The following CDH16 variants were observed in gnomAD, a reference collection of about 807,000 sequenced individuals.
The protein encoded by CDH16 is cadherin-16.
A neutral mutation model predicts 87.6 loss-of-function variants in CDH16; 79 were observed. The observed-to-expected ratio is 0.90, with a 90% CI of 0.75 to 1.09. The LOEUF (loss-of-function observed/expected upper bound fraction) is 1.09. CDH16 is among the 50% of genes least tolerant of loss of function. CDH16 has a pLI of 0.00. For missense variants in CDH16, 1,124 were observed against 1,071.7 expected (o/e 1.05, Z -0.68); for synonymous variants, 457 against 439.5 (o/e 1.04, Z -0.50).
At position 66,911,171 on chromosome 16, in the gene CDH16, C is replaced by T; in HGVS notation, c.1924+11G>A. 1 of 1,604,956 alleles carries T rather than the reference C, an allele frequency of 6.2e-7. No homozygotes were observed. The highest frequency in any genetic ancestry group is 8.5e-7 in the Non-Finnish European group (1 of 1,174,694). On this transcript the variant is annotated intron_variant, in intron 14 of 17. Coordinates refer to ENST00000299752, the MANE Select transcript of CDH16 (RefSeq NM_004062.4). Reference sequence around the variant, plus strand: ...CCCCTCCCAGGGGCTCCCATCACTGCCTGGCCATACCTGTATCCTGGGCCT... The same window carrying T: ...CCCCTCCCAGGGGCTCCCATCACTGTCTGGCCATACCTGTATCCTGGGCCT...
chr16:66,912,991 CGTGTGTGTGT>C lies in CDH16; in HGVS notation c.1055-110_1055-101del, dbSNP rs112552212. 1.2e-4 allele frequency: 135 copies of C among 1,115,030 alleles called. No individual in the cohort carries two copies. In the East Asian group the frequency reaches 2.6e-3, roughly 22 times the overall value. The allele number at this position is 1,115,030 out of a possible 1,614,324, so 69.1% of individuals were successfully genotyped here. The stretch of plus-strand genomic sequence containing the variant: ...TGCCAAACTAAACTGAATTTGAGCT[CGTGTGTGTGT>C]GTGTGTGTGTGTGTGTGTGTGTTAT... On this transcript the variant is annotated intron_variant, in intron 9 of 17. Transcript: ENST00000299752.
At chr16:66,917,391 C>T (rs1468643040) in intron 3 of CDH16, among the ~76,000 whole-genome samples, 1 of 151,978 alleles carries the variant, frequency 6.6e-6, no homozygotes, top group Non-Finnish European at 1.5e-5. Flanking sequence ...ATTTGGGTTC[C>T]ATTCCCCAAG....
At position 66,916,241 on chromosome 16, in the gene CDH16, G is replaced by C. The variant is rs138537405; in HGVS notation, c.285+33C>G. ...GGGAGTCAGCGTCTGGCTCTGCCTT[G>C]CCTGCTCTCCCCTACACCTGGCCCA... is the stretch of plus-strand genomic sequence containing the variant. On this transcript the variant is annotated intron_variant, in intron 4 of 17. Coordinates refer to ENST00000299752, the MANE Select transcript of CDH16 (RefSeq NM_004062.4). This position sits in a 1 kb window ranked among gnomAD's most constrained non-coding sequence, Gnocchi z 4.1. The C allele has an allele frequency of 1.4e-4, 225 of 1,614,170 alleles. 1 individual carries two copies. The African/African-American group carries it at 2.7e-3, about 19-fold the overall frequency.
In CDH16 at chr16:66,910,248, C is replaced by T; in HGVS notation, c.2167+12G>A. On this transcript the variant is annotated intron_variant, in intron 15 of 17. Coordinates refer to ENST00000299752, the MANE Select transcript of CDH16 (RefSeq NM_004062.4). ...CTTGGCCACAGCCTCCCTCCCTTTC[C>T]CCACCACACACCATTGAGAGTCTGG... is the stretch of plus-strand genomic sequence containing the variant. 6.3e-7 allele frequency: 1 copy of T among 1,579,710 alleles called. No individual in the cohort carries two copies. Among genetic ancestry groups the T allele is most frequent in the Non-Finnish European group, 8.6e-7 (1 of 1,160,230 alleles).
In CDH16 at chr16:66,915,313, G is replaced by A; in HGVS notation, c.490C>T (p.Arg164Ter). The A allele has an allele frequency of 2.5e-6, 4 of 1,613,970 alleles. No homozygotes were observed. The highest frequency in any genetic ancestry group is 1.3e-5 in the African/African-American group (1 of 75,004). Residue 164 changes from arginine to a stop codon, truncating the protein, a stop_gained, in exon 6 of 18, where the codon CGA becomes TGA. Transcript: ENST00000299752. LOFTEE classifies it high-confidence loss of function. ...DEPGTANSDL[R>*]FHILSQAPAQ... ...GGAGCCTGGCTCAGGATGTGGAATC[G>A]AAGATCCGAGTTGGCTGTGCCTGGC...
chr16:66,918,451 C>G (rs2145477309), intron 1 of CDH16, among the ~76,000 whole-genome samples: 1 of 152,372 alleles, frequency 6.6e-6, no homozygotes, highest in East Asian at 1.9e-4. Context: ...GGGTCACTTC[C>G]TGAAGTCACC....
rs762671359 is a variant in CDH16 at position 66,909,948 on chromosome 16, C to T, written c.2275+38G>A. On this transcript the variant is annotated intron_variant, in intron 16 of 17. Transcript: ENST00000299752. The surrounding 1 kb of genome is among the most constrained non-coding windows in gnomAD (Gnocchi z 4.1). Reference sequence around the variant, plus strand: ...CCCTCCCCTTGCATCCCAGCGGTTCCCTCAGGAACTGCAGGCTGCACCCAA... The same window carrying T: ...CCCTCCCCTTGCATCCCAGCGGTTCTCTCAGGAACTGCAGGCTGCACCCAA... 4 of 1,472,330 alleles carry T rather than the reference C, an allele frequency of 2.7e-6. No homozygotes were observed. Among genetic ancestry groups the T allele is most frequent in the Non-Finnish European group, 3.7e-6 (4 of 1,071,436 alleles). The allele number at this position is 1,472,330 out of a possible 1,614,324, so 91.2% of individuals were successfully genotyped here. A position where few individuals can be genotyped will look rare whatever the true frequency, so the allele number is the denominator to read the frequency against.
intron 8 of CDH16, 58 bp from the exon 9 acceptor site, chr16:66,913,339 G>C (rs1962520700): frequency 4.5e-6 from 7 of 1,550,460 alleles, no homozygotes; most frequent in East Asian, 2.3e-5. Context: ...AGCCTTGCCT[G>C]GCTCTGAGTT....
chr16:66,912,922 C>G, intron 9 of CDH16, 31 bp from the exon 10 acceptor site: 2 of 1,584,870 alleles, frequency 1.3e-6, no homozygotes, highest in Non-Finnish European at 1.7e-6. Flanking sequence ...TGGATAGGAC[C>G]ACAGCCCAGC....
intron 13 of CDH16, 84 bp downstream of exon 13, chr16:66,911,815 T>C (rs1962428470): frequency 2.7e-6 from 4 of 1,459,662 alleles, no homozygotes; most frequent in South Asian, 2.7e-5. Context: ...CCACAGATAA[T>C]GTGAGTCCCC....
chr16:66,915,416 G>A (rs1277683892), intron 5 of CDH16, 38 bp from the exon 6 acceptor site: 2 of 1,597,648 alleles, frequency 1.3e-6, no homozygotes, highest in South Asian at 2.2e-5. Context: ...AAGGGATAGA[G>A]AGGGTGGGGA....
At chr16:66,917,209 GA>G (rs1428358859) in intron 3 of CDH16, among the ~76,000 whole-genome samples, 2 of 151,966 alleles carry the variant, frequency 1.3e-5, no homozygotes, top group Non-Finnish European at 2.9e-5. Context: ...TGAGGCAGGA[GA>G]ATCTCTTGAA....
In CDH16 at chr16:66,914,286, G is replaced by A. The variant is rs766297105; in HGVS notation, c.710C>T (p.Thr237Ile). The A allele has an allele frequency of 3.7e-6, 6 of 1,614,224 alleles. No homozygotes were observed. Among genetic ancestry groups the A allele is most frequent in the Non-Finnish European group, 5.1e-6 (6 of 1,180,036 alleles). The change falls in exon 7 of 18, where the codon ACC becomes ATC. Residue 237 changes from threonine to isoleucine, a missense_variant. Transcript: ENST00000299752. ...ATVEVSIIESTWVSLEPIHLA... is the reference protein window; with the variant it reads ...ATVEVSIIESIWVSLEPIHLA... ...GTGGATAGGCTCTAGGGACACCCAG[G>A]TGCTCTCTATGATGGAGACTTCCAC... is the stretch of plus-strand genomic sequence containing the variant.
chr16:66,913,617 G>T lies in CDH16; in HGVS notation c.781-4C>A. 1 of 1,613,806 alleles carries T rather than the reference G, an allele frequency of 6.2e-7. No individual in the cohort carries two copies. The highest frequency in any genetic ancestry group is 2.2e-5 in the East Asian group (1 of 44,880). Reference sequence around the variant, plus strand: ...CATCACCCCCACTCCAGTGTACCTGGGGGGGACACCCCGGGCCAAGGGGCA... The same window carrying T: ...CATCACCCCCACTCCAGTGTACCTGTGGGGGACACCCCGGGCCAAGGGGCA... On this transcript the variant is annotated splice_polypyrimidine_tract_variant and splice_region_variant and intron_variant, in intron 7 of 17. Coordinates refer to ENST00000299752, the MANE Select transcript of CDH16 (RefSeq NM_004062.4).
At chr16:66,911,780 G>T in intron 13 of CDH16, 119 bp downstream of exon 13, 6 of 1,266,078 alleles carry the variant, frequency 4.7e-6, no homozygotes, top group Non-Finnish European at 6.5e-6. Flanking sequence ...CTTGGCATTT[G>T]CCATAGTTTG....
In CDH16 at chr16:66,917,698, G is replaced by T; in HGVS notation, c.73C>A (p.Leu25Met). 2 of 1,613,106 alleles carry T rather than the reference G, an allele frequency of 1.2e-6. No homozygotes were observed. The highest frequency in any genetic ancestry group is 2.2e-5 in the South Asian group (2 of 90,764). ...QALPKAQPAE[L>M]SVEVPENYGG... is the part of the protein sequence containing the mutation. The stretch of plus-strand genomic sequence containing the variant: ...TAGTTTTCTGGAACTTCCACAGACA[G>T]CTCTGCAGGCTGGGCCTTGGGGAGA... The change falls in exon 3 of 18, where the codon CTG becomes ATG. Residue 25 changes from leucine (L) to methionine (M), a missense_variant. By Grantham distance (15) the Leu-to-Met change is conservative (BLOSUM62 2). Coordinates refer to ENST00000299752, the MANE Select transcript of CDH16 (RefSeq NM_004062.4).
In CDH16 at chr16:66,909,013, CA is replaced by C. The variant is rs535109237; in HGVS notation, c.2392+253del. 1.1e-3 allele frequency among the ~76,000 whole-genome samples: 163 copies of C among 152,308 alleles called. No individual in the cohort carries two copies. The highest frequency in any genetic ancestry group is 3.5e-3 in the African/African-American group (144 of 41,560). On this transcript the variant is annotated intron_variant, in intron 17 of 17. Transcript: ENST00000299752. This position sits in a 1 kb window ranked among gnomAD's most constrained non-coding sequence, Gnocchi z 4.1. ...AATGGGGAGATACCAGGATCTACCT[CA>C]CAGGGTTGCTGGGAGGATTCCTGGC...
rs1596988366 is a variant in CDH16, at chr16:66,918,008, G to A, written c.45+13C>T. The A allele has an allele frequency of 1.9e-6, 3 of 1,571,356 alleles. No individual in the cohort carries two copies. The highest frequency in any genetic ancestry group is 2.6e-6 in the Non-Finnish European group (3 of 1,157,754). On this transcript the variant is annotated intron_variant, in intron 2 of 17. Transcript: ENST00000299752. Reference sequence around the variant, plus strand: ...GCCAAGACCTGAAGGAGAGGGGGCAGGGCCTAGCTCACCTGGGGGACGGAG... The same window carrying A: ...GCCAAGACCTGAAGGAGAGGGGGCAAGGCCTAGCTCACCTGGGGGACGGAG...
chr16:66,917,793 G>A (rs1391282495), intron 2 of CDH16, 68 bp from the exon 3 acceptor site: 6 of 1,394,080 alleles, frequency 4.3e-6, no homozygotes, highest in East Asian at 4.8e-5. Context: ...CCCAACAGAA[G>A]AGCGGAATTT....
Sources: gnomAD v4.1 joint callset for allele counts (sites outside exome capture counted in the v4.1 genomes callset) on GRCh38, gnomAD v4.1.1 for gene constraint, Gnocchi (gnomAD v3.1) non-coding constraint, MANE v1.5 for transcripts, NCBI Gene and HGNC (gene_info 2026-07-23, HGNC 2026-07-21) for gene names.